Variants in NCOR1 observed in about 807,000 individuals in gnomAD.
NCOR1 encodes the protein nuclear receptor corepressor 1.
Under a neutral mutation model 288.1 loss-of-function variants are expected in NCOR1, and 63 were observed. The observed-to-expected ratio is 0.22, with a 90% CI of 0.18 to 0.27. NCOR1 has a LOEUF of 0.27. NCOR1 is among the 10% of genes least tolerant of loss of function. The pLI is 1.00. For synonymous variants in NCOR1, 1,007 were observed against 1,065.9 expected, an observed-to-expected ratio of 0.94 and a Z score of 1.08; for missense variants, 2,397 against 3,019.2, an observed-to-expected ratio of 0.79 and a Z score of 4.83.
At chr17:16,154,013 T>A (rs1005736922) in intron 6 of NCOR1, among the ~76,000 whole-genome samples, 2 of 146,922 alleles carry the variant, frequency 1.4e-5, no homozygotes, top group Admixed American at 1.4e-4. Flanking sequence ...ATATGCTATT[T>A]CCTTTTTTTT....
chr17:16,058,324 C>T (rs1597992639), intron 38 of NCOR1, 147 bp downstream of exon 38: 6 of 1,051,996 alleles, frequency 5.7e-6, no homozygotes, highest in Non-Finnish European at 6.7e-6. Flanking sequence ...AAAAAAGAAT[C>T]GATTGCTGTT....
intron 33 of NCOR1, 119 bp downstream of exon 33, chr17:16,065,366 T>C: frequency 2.6e-6 from 3 of 1,150,146 alleles, no homozygotes; most frequent in Non-Finnish European, 3.7e-6. Flanking sequence ...GGAGGAAGGA[T>C]ATAGTATTCT....
chr17:16,152,111 T>C (rs1403608550), intron 7 of NCOR1, 113 bp from the exon 8 acceptor site: 1 of 618,832 alleles, frequency 1.6e-6, no homozygotes, highest in Non-Finnish European at 2.7e-6. Flanking sequence ...ATCTACACAA[T>C]AACATGCCCT....
Position 16,127,506 on chromosome 17 carries a change from CAT to C in NCOR1, c.1510-1302_1510-1301del, listed in dbSNP as rs573137756. 1.7e-4 allele frequency among the ~76,000 whole-genome samples: 23 copies of C among 132,256 alleles called. 1 individual carries two copies. The highest frequency in any genetic ancestry group is 4.4e-4 in the Admixed American group (6 of 13,674). The allele number at this position is 132,256 out of a possible 152,430, so 86.8% of individuals were successfully genotyped here. A position where few individuals can be genotyped will look rare whatever the true frequency, so the allele number is the denominator to read the frequency against. On this transcript the variant is annotated intron_variant, in intron 14 of 45. Coordinates refer to ENST00000268712, the MANE Select transcript of NCOR1 (RefSeq NM_006311.4). ...ACGTGTGTATATGTGCATGTATATA[CAT>C]ATGTGTATATACACACGTGTATATA...
intron 44 of NCOR1, among the ~76,000 whole-genome samples, chr17:16,037,341 G>A (rs888667622): frequency 1.3e-5 from 2 of 152,026 alleles, no homozygotes; most frequent in African/African-American, 4.8e-5. Context: ...AGACACAAAG[G>A]AGAGCCCATG....
At chr17:16,095,003 G>A (rs2066129068) in intron 21 of NCOR1, among the ~76,000 whole-genome samples, 1 of 151,908 alleles carries the variant, frequency 6.6e-6, no homozygotes, top group South Asian at 2.1e-4. Context: ...TGGGAAGTGA[G>A]GAGCGTCTCT....
intron 18 of NCOR1, among the ~76,000 whole-genome samples, chr17:16,109,748 T>G (rs901787085): frequency 6.6e-6 from 1 of 152,114 alleles, no homozygotes; most frequent in Admixed American, 6.5e-5. Context: ...TTATTTTTCT[T>G]TTTTGAGACA....
At chr17:16,162,708 T>A (rs2081109808) in intron 5 of NCOR1, among the ~76,000 whole-genome samples, 1 of 152,138 alleles carries the variant, frequency 6.6e-6, no homozygotes, top group Non-Finnish European at 1.5e-5. Context: ...ATTTAAGTCA[T>A]AAAAACCAAA....
rs750991140 is a variant in NCOR1 at position 16,194,448 on chromosome 17, T to C, written c.108+14A>G. On this transcript the variant is annotated intron_variant, in intron 2 of 45. Transcript: ENST00000268712. ...CAAAAAACATGTGCAATTTGCATAC[T>C]ATCTGTTCCTTACCTGCTGGTGGCG... is the stretch of plus-strand genomic sequence containing the variant. 25 of 1,538,396 alleles carry C rather than the reference T, an allele frequency of 1.6e-5. No individual in the cohort carries two copies. The African/African-American group carries it at 3.3e-4, about 20-fold the overall frequency.
At chr17:16,104,623 T>G (rs923389037) in intron 19 of NCOR1, among the ~76,000 whole-genome samples, 1 of 152,018 alleles carries the variant, frequency 6.6e-6, no homozygotes, top group Non-Finnish European at 1.5e-5. Context: ...AATTAAAAAA[T>G]TAGCTAGTCA....
At position 16,208,648 on chromosome 17, in the gene NCOR1, T is replaced by A. The variant is rs565354338; in HGVS notation, c.-71+6714A>T. Among the ~76,000 whole-genome samples the A allele has an allele frequency of 1.7e-4, 26 of 151,922 alleles. 2 individuals are homozygous for A. The East Asian group carries it at 5.0e-3, about 29-fold the overall frequency. ...GGAGGATCACTTGAGCCCAGCAATT[T>A]GAGGTCAGCCTGAGCAACATAATGA... On this transcript the variant is annotated intron_variant, in intron 1 of 45. Coordinates refer to ENST00000268712, the MANE Select transcript of NCOR1 (RefSeq NM_006311.4).
chr17:16,092,647 T>TTATATATATATATATATATA (rs10592611), intron 21 of NCOR1, among the ~76,000 whole-genome samples: 1 of 32,132 alleles, frequency 3.1e-5, no homozygotes. Flanking sequence ...TCAGATCCAT[T>TTATATATATATATATATATA]TATATATATA....
intron 40 of NCOR1, among the ~76,000 whole-genome samples, chr17:16,055,441 A>G (rs1375289172): frequency 6.6e-6 from 1 of 152,160 alleles, no homozygotes. Context: ...ACCAAATACC[A>G]CGTGTTCTCA....
chr17:16,035,078 G>T, intron 44 of NCOR1, 134 bp from the exon 45 acceptor site: 1 of 800,884 alleles, frequency 1.2e-6, no homozygotes, highest in Admixed American at 2.8e-5. Flanking sequence ...GGTACTCAAT[G>T]AAATAAAATA....
chr17:16,201,005 T>C (rs575889716), intron 1 of NCOR1, among the ~76,000 whole-genome samples: 9 of 152,240 alleles, frequency 5.9e-5, no homozygotes, highest in Non-Finnish European at 1.2e-4. Flanking sequence ...AGTGGTGCTA[T>C]ACTGTAATAA....
At chr17:16,193,885 T>G (rs2089179498) in intron 2 of NCOR1, among the ~76,000 whole-genome samples, 1 of 152,008 alleles carries the variant, frequency 6.6e-6, no homozygotes, top group South Asian at 2.1e-4. Context: ...GACCGTTTTA[T>G]CCCATCCTTT....
intron 14 of NCOR1, among the ~76,000 whole-genome samples, chr17:16,127,304 T>TATATACATGTATGTATATATGTATGTAG: frequency 1.1e-5 from 1 of 93,034 alleles, no homozygotes; most frequent in Non-Finnish European, 2.4e-5. Context: ...TATGTATGTA[T>TATATACATGTATGTATATATGTATGTAG]ATATACATGT....
intron 22 of NCOR1, 115 bp downstream of exon 22, chr17:16,091,748 A>G: frequency 6.4e-7 from 1 of 1,550,426 alleles, no homozygotes; most frequent in Non-Finnish European, 8.7e-7. Context: ...TGTTAGGACA[A>G]ATATAATAAT....
intron 1 of NCOR1, among the ~76,000 whole-genome samples, chr17:16,205,055 T>C (rs979198594): frequency 3.3e-5 from 5 of 152,004 alleles, no homozygotes; most frequent in Non-Finnish European, 5.9e-5. Flanking sequence ...ACCCCATCTG[T>C]AGTAAAAATA....
Sources: gnomAD v4.1 joint callset for allele counts (sites outside exome capture counted in the v4.1 genomes callset) on GRCh38, gnomAD v4.1.1 for gene constraint, MANE v1.5 for transcripts, NCBI Gene and HGNC (gene_info 2026-07-23, HGNC 2026-07-21) for gene names.